Variants in GAREM1 observed in about 807,000 individuals in gnomAD.
GAREM1 encodes the protein GRB2 associated regulator of MAPK1 subtype 1.
Under a neutral mutation model 71.3 loss-of-function variants are expected in GAREM1, and 26 were observed. The observed-to-expected ratio is 0.36, with a 90% CI of 0.27 to 0.51. The LOEUF (loss-of-function observed/expected upper bound fraction) is 0.51. Ranked by LOEUF, GAREM1 falls within the 20% of genes least tolerant of loss-of-function variation. GAREM1 has a pLI of 0.95. For missense variants in GAREM1, 1,026 were observed against 1,103.1 expected, an observed-to-expected ratio of 0.93 and a Z score of 0.99; for synonymous variants, 440 against 433.2, an observed-to-expected ratio of 1.02 and a Z score of -0.20.
chr18:32,363,920 A>ACACACAT lies in GAREM1; in HGVS notation c.262+28974_262+28975insATGTGTG, dbSNP rs1408632288. Among the ~76,000 whole-genome samples, 1,218 of 146,706 alleles carry ACACACAT rather than the reference A, an allele frequency of 8.3e-3. 24 individuals carry two copies. The highest frequency in any genetic ancestry group is 0.029 in the African/African-American group (1,152 of 40,010). On this transcript the variant is annotated intron_variant, in intron 2 of 5. Coordinates refer to ENST00000269209, the MANE Select transcript of GAREM1 (RefSeq NM_001242409.2). ...CAAGGTTATACACACACACACACAT[A>ACACACAT]AAAAAATATATATACACATACAAAT... is the stretch of plus-strand genomic sequence containing the variant.
At chr18:32,388,987 G>A (rs1384062073) in intron 2 of GAREM1, among the ~76,000 whole-genome samples, 1 of 152,170 alleles carries the variant, frequency 6.6e-6, no homozygotes, top group African/African-American at 2.4e-5. Context: ...TTAGGGGGAT[G>A]TATGCTGTCT....
rs138337618 is a variant in GAREM1 at position 32,358,360 on chromosome 18, C to T, written c.262+34535G>A. 1.6e-4 allele frequency among the ~76,000 whole-genome samples: 24 copies of T among 152,080 alleles called. No homozygotes were observed. In the East Asian group the frequency reaches 4.5e-3, roughly 28 times the overall value. On this transcript the variant is annotated intron_variant, in intron 2 of 5. Coordinates refer to ENST00000269209, the MANE Select transcript of GAREM1 (RefSeq NM_001242409.2). ...AGGTCAAGTGAGGGCTTCAGGTTGT[C>T]AAAAGGGGCCAGATTTTAGTTCTCT...
chr18:32,419,906 A>C (rs1355067773), intron 1 of GAREM1, among the ~76,000 whole-genome samples: 1 of 152,088 alleles, frequency 6.6e-6, no homozygotes. Flanking sequence ...AGCAACCGAA[A>C]CCCATTTATA....
chr18:32,380,703 T>C (rs1410140249), intron 2 of GAREM1, among the ~76,000 whole-genome samples: 3 of 152,142 alleles, frequency 2.0e-5, no homozygotes, highest in Non-Finnish European at 4.4e-5. Context: ...GTTCAGCAAC[T>C]TCCTTGGCTT....
intron 2 of GAREM1, among the ~76,000 whole-genome samples, chr18:32,317,384 G>T (rs1483245314): frequency 2.4e-4 from 32 of 135,170 alleles, no homozygotes; most frequent in African/African-American, 9.0e-4. Context: ...CAGTGAGAGC[G>T]CTCTGTCACA....
chr18:32,426,756 A>G (rs1187920360), intron 1 of GAREM1, among the ~76,000 whole-genome samples: 1 of 152,222 alleles, frequency 6.6e-6, no homozygotes, highest in African/African-American at 2.4e-5. Flanking sequence ...ACTTGCAAAT[A>G]TAAGTTTTTC....
At chr18:32,354,153 TTCC>T (rs2047782652) in intron 2 of GAREM1, among the ~76,000 whole-genome samples, 1 of 152,208 alleles carries the variant, frequency 6.6e-6, no homozygotes, top group Admixed American at 6.5e-5. Context: ...GGTTTATCTG[TTCC>T]TCATTTATAT....
chr18:32,363,423 C>A (rs2047886736), intron 2 of GAREM1, among the ~76,000 whole-genome samples: 1 of 151,978 alleles, frequency 6.6e-6, no homozygotes, highest in South Asian at 2.1e-4. Flanking sequence ...AACTATCCTG[C>A]TTAAATTCTT....
intron 2 of GAREM1, among the ~76,000 whole-genome samples, chr18:32,371,861 C>T (rs1356737436): frequency 2.0e-5 from 3 of 152,016 alleles, no homozygotes; most frequent in Non-Finnish European, 4.4e-5. Flanking sequence ...AGTAGAAAGG[C>T]CCAGCTAGGT....
intron 1 of GAREM1, among the ~76,000 whole-genome samples, chr18:32,404,775 T>C (rs2048350219): frequency 6.6e-6 from 1 of 152,212 alleles, no homozygotes; most frequent in South Asian, 2.1e-4. Context: ...CTCAGCACTG[T>C]GGTAAAGCCT....
chr18:32,322,862 T>C (rs975503069), intron 2 of GAREM1, among the ~76,000 whole-genome samples: 6 of 152,218 alleles, frequency 3.9e-5, no homozygotes, highest in African/African-American at 1.4e-4. Context: ...TGCTGTTTTC[T>C]TAATTAGACC....
At chr18:32,406,342 C>T (rs1228808064) in intron 1 of GAREM1, among the ~76,000 whole-genome samples, 1 of 152,084 alleles carries the variant, frequency 6.6e-6, no homozygotes, top group Admixed American at 6.6e-5. Flanking sequence ...CATCCTCAAA[C>T]ATTTAAAATA....
chr18:32,318,710 C>T (rs559938865), intron 2 of GAREM1, among the ~76,000 whole-genome samples: 2 of 152,124 alleles, frequency 1.3e-5, no homozygotes, highest in Admixed American at 1.3e-4. Flanking sequence ...TTACTGTCTG[C>T]CATCCCTTCA....
intron 2 of GAREM1, among the ~76,000 whole-genome samples, chr18:32,355,024 C>T (rs2047790556): frequency 2.6e-5 from 4 of 152,142 alleles, no homozygotes; most frequent in Admixed American, 2.6e-4. Context: ...GAAAAAATTA[C>T]TTTTCACAGG....
intron 2 of GAREM1, among the ~76,000 whole-genome samples, chr18:32,340,781 C>T (rs1432951024): frequency 2.0e-5 from 3 of 152,030 alleles, no homozygotes; most frequent in African/African-American, 7.3e-5. Flanking sequence ...AGTAAAAGCC[C>T]AGGGCCATAA....
intron 2 of GAREM1, among the ~76,000 whole-genome samples, chr18:32,386,329 G>A (rs1443262879): frequency 6.6e-6 from 1 of 152,182 alleles, no homozygotes; most frequent in Non-Finnish European, 1.5e-5. Context: ...TTTTGCCCAA[G>A]AGACAAACAC....
intron 2 of GAREM1, among the ~76,000 whole-genome samples, chr18:32,322,151 G>T (rs1255264356): frequency 1.3e-5 from 2 of 152,150 alleles, no homozygotes; most frequent in African/African-American, 2.4e-5. Flanking sequence ...CCTTGACCTC[G>T]CTCTGTTCCT....
chr18:32,290,061 T>C (rs558292537), intron 3 of GAREM1, among the ~76,000 whole-genome samples: 1 of 152,050 alleles, frequency 6.6e-6, no homozygotes, highest in South Asian at 2.1e-4. Context: ...ATCACTAATT[T>C]GCAGTGTCAC....
chr18:32,378,064 G>GT, intron 2 of GAREM1, among the ~76,000 whole-genome samples: 1 of 123,800 alleles, frequency 8.1e-6, no homozygotes, highest in African/African-American at 3.5e-5. Flanking sequence ...GTGTGCGCGC[G>GT]GGCGCTTTGG....
Sources: gnomAD v4.1 joint callset for allele counts (sites outside exome capture counted in the v4.1 genomes callset) on GRCh38, gnomAD v4.1.1 for gene constraint, MANE v1.5 for transcripts, NCBI Gene and HGNC (gene_info 2026-07-23, HGNC 2026-07-21) for gene names.